CDH18: variants seen among roughly 807,000 people sequenced by gnomAD.
The protein encoded by CDH18 is cadherin 18, also known as cadherin-18.
A neutral mutation model predicts 67.9 loss-of-function variants in CDH18; 31 were observed. The ratio of observed to expected loss-of-function variants is 0.46; its 90% CI spans 0.34 to 0.62. The LOEUF (loss-of-function observed/expected upper bound fraction) is 0.62. CDH18 is among the 20% of genes least tolerant of loss of function. The pLI, the probability that CDH18 is intolerant of heterozygous loss-of-function variation, is 0.01. For synonymous variants in CDH18, 362 were observed against 347.2 expected (o/e 1.04, Z -0.48); for missense variants, 890 against 975.5 (o/e 0.91, Z 1.17).
chr5:20,157,891 T>C (rs533099707), intron 2 of CDH18, among the ~76,000 whole-genome samples: 8 of 152,128 alleles, frequency 5.3e-5, no homozygotes, highest in Admixed American at 1.3e-4. Context: ...CTGCCCTCCT[T>C]GGCCTCCCAA....
intron 3 of CDH18, among the ~76,000 whole-genome samples, chr5:19,823,725 G>C (rs1044224208): frequency 6.6e-6 from 1 of 152,158 alleles, no homozygotes. Flanking sequence ...GAGCCAATTA[G>C]AGGTAATAGA....
chr5:20,209,157 G>T (rs74831697), intron 2 of CDH18, among the ~76,000 whole-genome samples: 1,688 of 152,098 alleles, frequency 0.011, 31 homozygotes, highest in African/African-American at 0.038. Flanking sequence ...TTGGTAGAAA[G>T]GTAAATGAGT....
At chr5:20,211,530 C>A (rs1740355295) in intron 2 of CDH18, among the ~76,000 whole-genome samples, 1 of 152,144 alleles carries the variant, frequency 6.6e-6, no homozygotes, top group Non-Finnish European at 1.5e-5. Flanking sequence ...CCGGGTGCCC[C>A]TCTAAGACGA....
At chr5:19,906,425 A>G (rs982788879) in intron 2 of CDH18, among the ~76,000 whole-genome samples, 15 of 151,948 alleles carry the variant, frequency 9.9e-5, no homozygotes, top group Admixed American at 7.9e-4. Flanking sequence ...ATCTATTTTT[A>G]TGTCACCTAT....
Position 20,502,460 on chromosome 5 carries a change from C to T in CDH18, c.-580+73002G>A, listed in dbSNP as rs560737229. Among the ~76,000 whole-genome samples, 4 of 152,136 alleles carry T rather than the reference C, an allele frequency of 2.6e-5. No individual in the cohort carries two copies. The East Asian group carries it at 7.8e-4, about 29-fold the overall frequency. ...GGATGATAAAGATGGAGTCACTGTCCCTAGTTCTTCAATTATTCAGTTCTA... is the reference window on the plus strand; with the variant it reads ...GGATGATAAAGATGGAGTCACTGTCTCTAGTTCTTCAATTATTCAGTTCTA... On this transcript the variant is annotated intron_variant, in intron 1 of 14. Coordinates refer to the CDH18 transcript ENST00000507958.
At chr5:20,516,323 T>C (rs185793020) in intron 1 of CDH18, among the ~76,000 whole-genome samples, 1 of 151,832 alleles carries the variant, frequency 6.6e-6, no homozygotes, top group Admixed American at 6.6e-5. Context: ...AACACTGGAG[T>C]GTGGAAAAAG....
intron 2 of CDH18, among the ~76,000 whole-genome samples, chr5:20,147,278 T>C (rs935725513): frequency 6.6e-6 from 1 of 152,128 alleles, no homozygotes; most frequent in Non-Finnish European, 1.5e-5. Flanking sequence ...ATTTTCTGCT[T>C]GGAATTTTTA....
At chr5:20,022,438 G>A (rs1016546482) in intron 2 of CDH18, among the ~76,000 whole-genome samples, 2 of 152,120 alleles carry the variant, frequency 1.3e-5, no homozygotes, top group Non-Finnish European at 2.9e-5. Context: ...GAAGACCTCA[G>A]GCAGGATCTC....
At chr5:19,955,684 A>T (rs1044201134) in intron 2 of CDH18, among the ~76,000 whole-genome samples, 15 of 152,086 alleles carry the variant, frequency 9.9e-5, no homozygotes, top group Admixed American at 7.9e-4. Context: ...TTAATGAAAT[A>T]TGTAGATAGA....
chr5:19,997,463 C>T (rs1387107534), intron 2 of CDH18, among the ~76,000 whole-genome samples: 2 of 152,078 alleles, frequency 1.3e-5, no homozygotes, highest in Admixed American at 6.6e-5. Flanking sequence ...AAAATTCAAC[C>T]TCCTTTTCTG....
At chr5:20,139,957 C>G (rs1351084527) in intron 2 of CDH18, among the ~76,000 whole-genome samples, 1 of 152,162 alleles carries the variant, frequency 6.6e-6, no homozygotes, top group Admixed American at 6.5e-5. Context: ...ACCCACCCAT[C>G]CCATTACTGG....
chr5:19,878,902 G>A (rs1284791346), intron 2 of CDH18, among the ~76,000 whole-genome samples: 1 of 151,908 alleles, frequency 6.6e-6, no homozygotes, highest in Non-Finnish European at 1.5e-5. Context: ...GTTTTCGAAT[G>A]TTGCAAACTT....
chr5:19,814,035 G>T lies in CDH18; in HGVS notation c.228+24724C>A, dbSNP rs76734787. Among the ~76,000 whole-genome samples, 4 of 151,882 alleles carry T rather than the reference G, an allele frequency of 2.6e-5. No individual in the cohort carries two copies. The East Asian group carries it at 7.8e-4, about 29-fold the overall frequency. ...AACCTTAGGGATGAGGAGGATAGGA[G>T]AATATTGTCTTTTTGTGTGTGTGCA... On this transcript the variant is annotated intron_variant, in intron 3 of 12. Coordinates refer to ENST00000382275, the MANE Select transcript of CDH18 (RefSeq NM_004934.5).
rs561075329 is a variant in CDH18 at position 20,147,426 on chromosome 5, A to C, written c.-518+108018T>G. On this transcript the variant is annotated intron_variant, in intron 2 of 14. Coordinates refer to the CDH18 transcript ENST00000507958. ...ATTAGACTGCACCATTAAAAATAAGATAAATTGATTTATTAAAAAATAAGA... is the reference window on the plus strand; with the variant it reads ...ATTAGACTGCACCATTAAAAATAAGCTAAATTGATTTATTAAAAAATAAGA... Among the ~76,000 whole-genome samples, 3 of 152,262 alleles carry C rather than the reference A, an allele frequency of 2.0e-5. No homozygotes were observed. The South Asian group carries it at 6.2e-4, about 32-fold the overall frequency.
upstream of CDH18, among the ~76,000 whole-genome samples, chr5:19,990,721 G>C (rs1039201355): frequency 2.0e-5 from 3 of 152,010 alleles, no homozygotes; most frequent in African/African-American, 4.8e-5. Flanking sequence ...AAGTGGACTT[G>C]TCAGCCACTT....
At chr5:19,628,872 T>A (rs191301298) in intron 5 of CDH18, among the ~76,000 whole-genome samples, 54 of 150,132 alleles carry the variant, frequency 3.6e-4, no homozygotes, top group African/African-American at 1.3e-3. Flanking sequence ...TACTGACACA[T>A]AAGATTGAGA....
intron 4 of CDH18, among the ~76,000 whole-genome samples, chr5:19,732,132 G>A (rs995933041): frequency 6.6e-6 from 1 of 150,846 alleles, no homozygotes; most frequent in African/African-American, 2.4e-5. Flanking sequence ...AAAACTATGA[G>A]AAAGGCCTAG....
At chr5:20,002,261 G>T (rs1180762512) in intron 2 of CDH18, among the ~76,000 whole-genome samples, 2 of 152,106 alleles carry the variant, frequency 1.3e-5, no homozygotes, top group Non-Finnish European at 2.9e-5. Flanking sequence ...AATTCCCCCA[G>T]AACATTATTG....
intron 2 of CDH18, among the ~76,000 whole-genome samples, chr5:20,176,088 A>C (rs1298379392): frequency 6.6e-6 from 1 of 152,162 alleles, no homozygotes; most frequent in African/African-American, 2.4e-5. Context: ...CTAGTCAGCC[A>C]TCTGCATAAT....
Sources: allele counts gnomAD v4.1 joint callset (sites outside exome capture counted in the v4.1 genomes callset), GRCh38; gene constraint gnomAD v4.1.1; transcripts MANE v1.5; gene names NCBI Gene and HGNC (gene_info 2026-07-23, HGNC 2026-07-21).